DPY30: variants seen among roughly 807,000 people sequenced by gnomAD.
The protein encoded by DPY30 is dpy-30 histone methyltransferase complex regulatory subunit.
DPY30 carries 6 observed loss-of-function variants against 16.2 expected under a neutral mutation model. The ratio of observed to expected loss-of-function variants is 0.37; its 90% CI spans 0.20 to 0.73. The LOEUF (loss-of-function observed/expected upper bound fraction) is 0.73, where lower values mean the gene tolerates loss of function less well. Among genes scored for constraint, DPY30 ranks in the 30% least tolerant of loss-of-function variants. The pLI is 0.51. For synonymous variants in DPY30, 39 were observed against 38.8 expected (o/e 1.00, Z -0.02); for missense variants, 73 against 113.1 (o/e 0.65, Z 1.61).
chr2:32,017,648 C>T (rs1675090521), intron 5 of DPY30, among the ~76,000 whole-genome samples: 1 of 151,412 alleles, frequency 6.6e-6, no homozygotes, highest in African/African-American at 2.4e-5. Context: ...GAAACTCTCA[C>T]ATTATGGCAC....
intron 3 of DPY30, among the ~76,000 whole-genome samples, chr2:32,037,404 A>AAGT (rs1321070850): frequency 6.6e-6 from 1 of 152,080 alleles, no homozygotes; most frequent in East Asian, 1.9e-4. Context: ...TCCCAGGCTC[A>AAGT]AGTGATCCTC....
downstream of DPY30, among the ~76,000 whole-genome samples, chr2:32,022,853 A>G (rs777031287): frequency 5.3e-5 from 8 of 152,048 alleles, no homozygotes; most frequent in Non-Finnish European, 1.2e-4. Flanking sequence ...AGGCCTTAAC[A>G]TGTTTAGCAT....
intron 4 of DPY30, among the ~76,000 whole-genome samples, chr2:32,025,538 A>C (rs1181354119): frequency 6.6e-6 from 1 of 151,904 alleles, no homozygotes; most frequent in Non-Finnish European, 1.5e-5. Flanking sequence ...CAAGGCGGGC[A>C]GATCACAAGG....
intron 1 of DPY30, 53 bp from the exon 2 acceptor site, chr2:32,039,545 T>A (rs1350527502): frequency 1.3e-6 from 2 of 1,587,060 alleles, no homozygotes; most frequent in Non-Finnish European, 1.7e-6. Flanking sequence ...ACACGAAGAC[T>A]CCAGGATGGA....
downstream of DPY30, among the ~76,000 whole-genome samples, chr2:32,022,460 G>A (rs977432819): frequency 6.6e-6 from 1 of 151,628 alleles, no homozygotes; most frequent in East Asian, 1.9e-4. Flanking sequence ...AGTATTTCCT[G>A]TATTAAAGAA....
chr2:32,026,739 C>A (rs1196013160), intron 4 of DPY30, among the ~76,000 whole-genome samples: 1 of 151,150 alleles, frequency 6.6e-6, no homozygotes, highest in East Asian at 2.0e-4. Flanking sequence ...AGTGAGCTGA[C>A]ATCGTGCCAC....
At chr2:32,017,171 C>T (rs547002986) in intron 5 of DPY30, among the ~76,000 whole-genome samples, 5 of 152,264 alleles carry the variant, frequency 3.3e-5, no homozygotes, top group African/African-American at 9.6e-5. Flanking sequence ...GCGTGAGCCA[C>T]GGCGCCCGGC....
intron 4 of DPY30, among the ~76,000 whole-genome samples, chr2:32,027,738 C>T (rs1289372744): frequency 6.7e-6 from 1 of 149,628 alleles, no homozygotes; most frequent in Non-Finnish European, 1.5e-5. Flanking sequence ...ACGCCATTCT[C>T]CTGCCTCAGC....
At chr2:32,038,624 A>G (rs1675843333) in intron 3 of DPY30, among the ~76,000 whole-genome samples, 1 of 149,208 alleles carries the variant, frequency 6.7e-6, no homozygotes, top group South Asian at 2.1e-4. Context: ...AAAGACCAAC[A>G]GGTTTCCTAA....
At position 32,012,637 on chromosome 2, in the gene DPY30, C is replaced by T. The variant is rs191036052; in HGVS notation, n.378-585G>A. On this transcript the variant is annotated intron_variant and non_coding_transcript_variant, in intron 5 of 5. Transcript: ENST00000414013. ...ATTTTTAGTAGAGACAGGGTTTCAC[C>T]ATGTTGGCCAGGGTGGTCTTGAACT... Among the ~76,000 whole-genome samples the T allele has an allele frequency of 1.8e-3, 276 of 152,004 alleles. 2 individuals carry two copies. The highest frequency in any genetic ancestry group is 6.4e-3 in the African/African-American group (267 of 41,470).
intron 4 of DPY30, among the ~76,000 whole-genome samples, chr2:32,025,231 G>C (rs992487523): frequency 6.6e-6 from 1 of 151,950 alleles, no homozygotes; most frequent in African/African-American, 2.4e-5. Context: ...TTGGGAAGCC[G>C]AGGCGGGTGG....
Position 32,029,608 on chromosome 2 carries a change from C to A in DPY30, c.213G>T (p.Val71=), listed in dbSNP as rs752602981. ...AATTATCTTACCTTTCCTTTGCAAG[C>A]ACAGCAAGTCCCTGTAATAAGATAG... ...VVPILLQGLA[V]LAKERPPNPI... Residue 71 remains valine, a synonymous_variant, in exon 4 of 5, where the codon GTG becomes GTT. Transcript: ENST00000342166. The A allele has an allele frequency of 6.2e-7, 1 of 1,612,382 alleles. No homozygotes were observed. The highest frequency in any genetic ancestry group is 8.5e-7 in the Non-Finnish European group (1 of 1,179,654).
chr2:32,035,960 GA>G (rs1442954041), intron 3 of DPY30, among the ~76,000 whole-genome samples: 1 of 146,930 alleles, frequency 6.8e-6, no homozygotes, highest in African/African-American at 2.5e-5. Flanking sequence ...AAAAGAAAAA[GA>G]AAAAAGGATA....
rs1263844953 is a variant in DPY30, at chr2:32,023,906, G to A, written c.*278C>T. On this transcript the variant is annotated 3_prime_UTR_variant, in exon 5 of 5. Transcript: ENST00000342166. Reference sequence around the variant, plus strand: ...AGAACAAAAACTACTTTAAAATAATGGTGTTTTGACAGTTTATTTTGAAGG... The same window carrying A: ...AGAACAAAAACTACTTTAAAATAATAGTGTTTTGACAGTTTATTTTGAAGG... The A allele has an allele frequency of 6.7e-6, 9 of 1,340,182 alleles. No individual in the cohort carries two copies. The highest frequency in any genetic ancestry group is 4.3e-5 in the South Asian group (3 of 70,274). 83.0% of individuals were successfully genotyped at this position (1,340,182 alleles called of 1,614,324 possible). A position where few individuals can be genotyped will look rare whatever the true frequency, so the allele number is the denominator to read the frequency against.
chr2:32,013,242 A>G (rs1369881399), intron 5 of DPY30: 1 of 152,226 alleles, frequency 6.6e-6, no homozygotes, highest in Non-Finnish European at 1.5e-5. Flanking sequence ...ACTCCTAGCA[A>G]CAATCGTAAG....
chr2:32,014,918 G>A lies in DPY30; in HGVS notation n.378-2866C>T, dbSNP rs553947408. On this transcript the variant is annotated intron_variant and non_coding_transcript_variant, in intron 5 of 5. Transcript: ENST00000414013. Reference sequence around the variant, plus strand: ...TCCATTTGTATAGAAATGAATAATTGTATTTTCATATACTTGCATATGCAT... The same window carrying A: ...TCCATTTGTATAGAAATGAATAATTATATTTTCATATACTTGCATATGCAT... 2.2e-4 allele frequency among the ~76,000 whole-genome samples: 34 copies of A among 152,164 alleles called. 1 individual carries two copies. The East Asian group carries it at 6.0e-3, about 27-fold the overall frequency.
At chr2:32,015,034 C>A (rs984481436) in intron 5 of DPY30, among the ~76,000 whole-genome samples, 1 of 151,776 alleles carries the variant, frequency 6.6e-6, no homozygotes, top group Non-Finnish European at 1.5e-5. Flanking sequence ...CAATGTATAT[C>A]TTTGCATATC....
chr2:32,031,471 C>A (rs1675538004), intron 3 of DPY30, among the ~76,000 whole-genome samples: 1 of 151,536 alleles, frequency 6.6e-6, no homozygotes, highest in South Asian at 2.1e-4. Flanking sequence ...GTGGTGCACA[C>A]CTGTAATGCC....
At chr2:32,038,060 G>A (rs1471845193) in intron 3 of DPY30, among the ~76,000 whole-genome samples, 1 of 151,148 alleles carries the variant, frequency 6.6e-6, no homozygotes, top group Non-Finnish European at 1.5e-5. Context: ...CAGAAAGTAT[G>A]TTGGGAGCTG....
Sources: allele counts gnomAD v4.1 joint callset (sites outside exome capture counted in the v4.1 genomes callset), GRCh38; gene constraint gnomAD v4.1.1; transcripts MANE v1.5; gene names NCBI Gene and HGNC (gene_info 2026-07-23, HGNC 2026-07-21).